TENT4B: variants seen among roughly 807,000 people sequenced by gnomAD.
The protein encoded by TENT4B is PAP associated domain containing 5.
Under a neutral mutation model 75.0 loss-of-function variants are expected in TENT4B, and 10 were observed. The observed-to-expected ratio is 0.13, with a 90% CI of 0.08 to 0.23. The LOEUF is 0.23. Ranked by LOEUF, TENT4B falls within the 10% of genes least tolerant of loss-of-function variation. The pLI is 1.00. For synonymous variants in TENT4B, 350 were observed against 357.7 expected, an observed-to-expected ratio of 0.98 and a Z score of 0.24; for missense variants, 579 against 893.8, an observed-to-expected ratio of 0.65 and a Z score of 4.49.
chr16:50,210,277 C>T (rs1363606674), intron 1 of TENT4B, among the ~76,000 whole-genome samples: 1 of 152,216 alleles, frequency 6.6e-6, no homozygotes, highest in East Asian at 1.9e-4. Context: ...CTCTCTGTCC[C>T]CCGTCCTGAC....
At chr16:50,195,784 A>T (rs74659490) in intron 1 of TENT4B, among the ~76,000 whole-genome samples, 1 of 152,382 alleles carries the variant, frequency 6.6e-6, no homozygotes, top group East Asian at 1.9e-4. Flanking sequence ...AAAAATATAC[A>T]TATAAATTTT....
intron 1 of TENT4B, among the ~76,000 whole-genome samples, chr16:50,193,495 G>A (rs561381047): frequency 1.3e-5 from 2 of 151,938 alleles, no homozygotes; most frequent in East Asian, 1.9e-4. Context: ...CCACCGCCAC[G>A]CCCGGCCAAT....
At chr16:50,208,738 C>CT (rs922655265) in intron 1 of TENT4B, among the ~76,000 whole-genome samples, 273 of 146,212 alleles carry the variant, frequency 1.9e-3, no homozygotes, top group African/African-American at 4.5e-3. Context: ...AATGAATTGT[C>CT]TTTTTTTTTT....
intron 1 of TENT4B, among the ~76,000 whole-genome samples, chr16:50,199,938 T>A (rs1357102102): frequency 6.6e-6 from 1 of 152,228 alleles, no homozygotes; most frequent in African/African-American, 2.4e-5. Flanking sequence ...GTGCCCAGTG[T>A]GACAATTATG....
At chr16:50,223,735 A>G (rs1339108062) in intron 7 of TENT4B, among the ~76,000 whole-genome samples, 1 of 152,214 alleles carries the variant, frequency 6.6e-6, no homozygotes, top group Non-Finnish European at 1.5e-5. Flanking sequence ...TGAGGCTTTA[A>G]TGAGATGATT....
chr16:50,231,623 T>C lies in TENT4B; in HGVS notation c.*2295T>C. 9.1e-6 allele frequency: 9 copies of C among 985,868 alleles called. No individual in the cohort carries two copies. The highest frequency in any genetic ancestry group is 1.1e-5 in the Non-Finnish European group (9 of 829,922). 61.1% of individuals were successfully genotyped at this position (985,868 alleles called of 1,614,324 possible). A position where few individuals can be genotyped will look rare whatever the true frequency, so the allele number is the denominator to read the frequency against. ...GGAATCTTAGGTTTTCGTAAATTTA[T>C]TGGGAAAATAGTTTTTCCTGTACTG... On this transcript the variant is annotated 3_prime_UTR_variant, in exon 12 of 12. Coordinates refer to ENST00000561678, the MANE Select transcript of TENT4B (RefSeq NM_001365324.3).
intron 5 of TENT4B, among the ~76,000 whole-genome samples, chr16:50,221,444 CG>C (rs771628978): frequency 5.3e-5 from 8 of 152,206 alleles, no homozygotes; most frequent in Non-Finnish European, 1.0e-4. Context: ...GGTGTTCTCT[CG>C]GGTAGCCCTG....
rs2037811995 is a variant in TENT4B at position 50,153,410 on chromosome 16, G to T, written c.-212G>T. On this transcript the variant is annotated 5_prime_UTR_variant, in exon 1 of 12. Coordinates refer to ENST00000561678, the MANE Select transcript of TENT4B (RefSeq NM_001365324.3). The stretch of plus-strand genomic sequence containing the variant: ...GCGGAGGGAGGGGGGGAGGGCCCGC[G>T]GAGCCCCCGAGGGCGGGAGCGACGC... 6.8e-6 allele frequency among the ~76,000 whole-genome samples: 1 copy of T among 146,306 alleles called. No individual in the cohort carries two copies. The highest frequency in any genetic ancestry group is 2.5e-5 in the African/African-American group (1 of 40,684).
chr16:50,190,831 G>GAA (rs1178462029), intron 1 of TENT4B, among the ~76,000 whole-genome samples: 1 of 151,866 alleles, frequency 6.6e-6, no homozygotes, highest in Non-Finnish European at 1.5e-5. Context: ...TCCTCCATTT[G>GAA]AAACTCTGTA....
chr16:50,188,041 A>G (rs2038568007), intron 1 of TENT4B, among the ~76,000 whole-genome samples: 1 of 152,154 alleles, frequency 6.6e-6, no homozygotes, highest in Non-Finnish European at 1.5e-5. Context: ...TGCTGAGATG[A>G]CAGGTGTGAA....
At chr16:50,175,094 T>C (rs1372847332) in intron 1 of TENT4B, among the ~76,000 whole-genome samples, 1 of 152,152 alleles carries the variant, frequency 6.6e-6, no homozygotes, top group Non-Finnish European at 1.5e-5. Flanking sequence ...TCTACTTCTA[T>C]GAGATCAACT....
In TENT4B at chr16:50,224,887, G is replaced by T; in HGVS notation, c.1509-4G>T. The T allele has an allele frequency of 6.2e-7, 1 of 1,612,818 alleles. No individual in the cohort carries two copies. Among genetic ancestry groups the T allele is most frequent in the Non-Finnish European group, 8.5e-7 (1 of 1,179,112 alleles). On this transcript the variant is annotated splice_region_variant and splice_polypyrimidine_tract_variant and intron_variant, in intron 8 of 11. Coordinates refer to ENST00000561678, the MANE Select transcript of TENT4B (RefSeq NM_001365324.3). ...CCTCTCCCTTTCTTTTTAAACACAT[G>T]CAGCATACTAGGTAGAATAATTAGA...
At position 50,235,095 on chromosome 16, in the gene TENT4B, G is replaced by GT. The variant is rs1419705708; in HGVS notation, c.*5768dup. 3 of 932,146 alleles carry GT rather than the reference G, an allele frequency of 3.2e-6. No individual in the cohort carries two copies. The highest frequency in any genetic ancestry group is 3.8e-6 in the Non-Finnish European group (3 of 781,112). 57.7% of individuals were successfully genotyped at this position (932,146 alleles called of 1,614,324 possible). ...AGAAATCTCAACATTTCCTGAGGCCGTATCACTGGGCAACCAGTGATGAAA... is the reference window on the plus strand; with the variant it reads ...AGAAATCTCAACATTTCCTGAGGCCGTTATCACTGGGCAACCAGTGATGAAA... On this transcript the variant is annotated 3_prime_UTR_variant, in exon 12 of 12. Coordinates refer to ENST00000561678, the MANE Select transcript of TENT4B (RefSeq NM_001365324.3).
chr16:50,166,176 A>G (rs7192461), intron 1 of TENT4B, among the ~76,000 whole-genome samples: 147,404 of 151,568 alleles, frequency 0.97, 71,676 homozygotes, highest in East Asian at 1. Context: ...TCCACCTCCC[A>G]GGTTCAAGCA....
At chr16:50,177,483 TC>T (rs2038332844) in intron 1 of TENT4B, among the ~76,000 whole-genome samples, 1 of 152,176 alleles carries the variant, frequency 6.6e-6, no homozygotes, top group South Asian at 2.1e-4. Context: ...AAGAAATTGT[TC>T]CATTTCATCT....
chr16:50,203,557 A>G (rs1049365676), intron 1 of TENT4B, among the ~76,000 whole-genome samples: 1 of 152,172 alleles, frequency 6.6e-6, no homozygotes, highest in Non-Finnish European at 1.5e-5. Context: ...GCACATGCAG[A>G]CTTCCTTTGC....
chr16:50,172,985 G>C (rs1475809495), intron 1 of TENT4B, among the ~76,000 whole-genome samples: 1 of 152,052 alleles, frequency 6.6e-6, no homozygotes, highest in African/African-American at 2.4e-5. Flanking sequence ...CTCTCGCCCA[G>C]GCTGGAGTGC....
rs2031625354 is a variant in TENT4B at position 50,217,638 on chromosome 16, C to CTG, written c.1014_1015dup (p.Asp339ValfsTer19). 1 of 1,529,794 alleles carries CTG rather than the reference C, an allele frequency of 6.5e-7. No homozygotes were observed. The highest frequency in any genetic ancestry group is 8.8e-7 in the Non-Finnish European group (1 of 1,140,946). The allele number at this position is 1,529,794 out of a possible 1,614,324, so 94.8% of individuals were successfully genotyped here. ...AATGTACAGAATGGCGTGAGAGCAG[C>CTG]TGACCTCATCAAAGATTTTACCAAG... On this transcript the variant is annotated frameshift_variant, in exon 5 of 12. Coordinates refer to ENST00000561678, the MANE Select transcript of TENT4B (RefSeq NM_001365324.3). LOFTEE classifies it high-confidence loss of function.
chr16:50,192,417 A>C (rs1338195622), intron 1 of TENT4B, among the ~76,000 whole-genome samples: 1 of 152,158 alleles, frequency 6.6e-6, no homozygotes, highest in East Asian at 1.9e-4. Flanking sequence ...AGATTTCTTT[A>C]AAATTTTTTT....
Sources: allele counts gnomAD v4.1 joint callset (sites outside exome capture counted in the v4.1 genomes callset), GRCh38; gene constraint gnomAD v4.1.1; transcripts MANE v1.5; gene names NCBI Gene and HGNC (gene_info 2026-07-23, HGNC 2026-07-21).